Variants in TASP1 observed in about 807,000 individuals in gnomAD.
TASP1 encodes the protein threonine aspartase 1.
A neutral mutation model predicts 56.6 loss-of-function variants in TASP1; 16 were observed. That is an observed-to-expected ratio of 0.28 (90% CI 0.19 to 0.43). The LOEUF is 0.43. Ranked by LOEUF, TASP1 falls within the 20% of genes least tolerant of loss-of-function variation. TASP1 has a pLI of 1.00. For missense variants in TASP1, 393 were observed against 511.6 expected, an observed-to-expected ratio of 0.77 and a Z score of 2.24; for synonymous variants, 179 against 184.2, an observed-to-expected ratio of 0.97 and a Z score of 0.23.
chr20:13,221,423 G>C, the TASP1 span, among the ~76,000 whole-genome samples: 1 of 146,574 alleles, frequency 6.8e-6, no homozygotes, highest in Non-Finnish European at 1.5e-5. Context: ...GGTGGCCTCC[G>C]GCCCGGCCCG....
chr20:13,383,173 A>G, the TASP1 span, among the ~76,000 whole-genome samples: 1 of 152,192 alleles, frequency 6.6e-6, no homozygotes. Context: ...GGTGTACTGG[A>G]AGGTTTTGAG....
the TASP1 span, among the ~76,000 whole-genome samples, chr20:13,344,834 C>T: frequency 2.0e-5 from 3 of 152,188 alleles, no homozygotes; most frequent in Admixed American, 6.5e-5. Context: ...GCACACTCAG[C>T]GGCTGGCATG....
the TASP1 span, among the ~76,000 whole-genome samples, chr20:13,373,795 TG>T: frequency 6.6e-6 from 1 of 152,172 alleles, no homozygotes; most frequent in East Asian, 1.9e-4. Flanking sequence ...CCAGCAAATT[TG>T]GGGAGCTTTC....
At chr20:13,394,187 G>C (rs1277553740) in intron 13 of TASP1, among the ~76,000 whole-genome samples, 1 of 149,294 alleles carries the variant, frequency 6.7e-6, no homozygotes, top group African/African-American at 2.5e-5. Context: ...CGGAGGCTGA[G>C]GCAGGAGAAT....
At chr20:13,408,845 G>A (rs2042008653) in intron 13 of TASP1, among the ~76,000 whole-genome samples, 1 of 151,722 alleles carries the variant, frequency 6.6e-6, no homozygotes, top group Admixed American at 6.6e-5. Flanking sequence ...TCTTGCTATT[G>A]GTAATTTGTG....
At chr20:13,118,311 T>G in the TASP1 span, among the ~76,000 whole-genome samples, 1 of 152,122 alleles carries the variant, frequency 6.6e-6, no homozygotes, top group Non-Finnish European at 1.5e-5. Flanking sequence ...TCCATAATGT[T>G]GCATACACCA....
At chr20:13,296,441 G>A in the TASP1 span, among the ~76,000 whole-genome samples, 1 of 152,308 alleles carries the variant, frequency 6.6e-6, no homozygotes, top group East Asian at 1.9e-4. Context: ...GGGAGGCAAG[G>A]GATGTTATCT....
the TASP1 span, among the ~76,000 whole-genome samples, chr20:13,225,253 T>C: frequency 6.6e-6 from 1 of 152,264 alleles, no homozygotes; most frequent in Non-Finnish European, 1.5e-5. Context: ...TTGCCCAAGG[T>C]TGCACAGCTA....
At chr20:13,263,195 G>A in the TASP1 span, among the ~76,000 whole-genome samples, 1 of 152,170 alleles carries the variant, frequency 6.6e-6, no homozygotes. Flanking sequence ...TGCCTGAAGG[G>A]GAATGATTGC....
chr20:13,253,608 T>A, the TASP1 span, among the ~76,000 whole-genome samples: 1 of 152,142 alleles, frequency 6.6e-6, no homozygotes, highest in Non-Finnish European at 1.5e-5. Flanking sequence ...CTCAAACACC[T>A]GCTGCTGGGC....
the TASP1 span, among the ~76,000 whole-genome samples, chr20:13,366,895 C>T: frequency 1.3e-5 from 2 of 152,248 alleles, no homozygotes; most frequent in African/African-American, 4.8e-5. Flanking sequence ...CTCTCTCTCA[C>T]ACACACACTA....
chr20:13,183,424 A>G, the TASP1 span, among the ~76,000 whole-genome samples: 1 of 152,244 alleles, frequency 6.6e-6, no homozygotes, highest in African/African-American at 2.4e-5. Flanking sequence ...AGGTAGCAAA[A>G]GCTAACTGAT....
At chr20:13,114,191 C>T in the TASP1 span, among the ~76,000 whole-genome samples, 41 of 152,352 alleles carry the variant, frequency 2.7e-4, no homozygotes, top group African/African-American at 9.6e-4. Flanking sequence ...TCAGTTTCTT[C>T]ATCTGTAACA....
At chr20:13,315,973 A>C in the TASP1 span, among the ~76,000 whole-genome samples, 1 of 151,982 alleles carries the variant, frequency 6.6e-6, no homozygotes, top group African/African-American at 2.4e-5. Flanking sequence ...AACTTACCAA[A>C]ATTTGTAGGA....
rs576807374 is a variant in TASP1, at chr20:13,634,686, C to T, written c.-75+4208G>A. ...CAAAGGTTGCAGTGAGTCAAGATTG[C>T]GCCACTGCACCTCAGCCTGGGCAAA... On this transcript the variant is annotated intron_variant, in intron 1 of 13. Coordinates refer to ENST00000337743, the MANE Select transcript of TASP1 (RefSeq NM_017714.3). 7.4e-5 allele frequency among the ~76,000 whole-genome samples: 11 copies of T among 148,482 alleles called. No homozygotes were observed. The East Asian group carries it at 2.2e-3, about 29-fold the overall frequency.
At chr20:13,432,662 C>T (rs1190689329) in intron 12 of TASP1, among the ~76,000 whole-genome samples, 4 of 152,152 alleles carry the variant, frequency 2.6e-5, no homozygotes, top group Non-Finnish European at 5.9e-5. Context: ...CATAAACTGG[C>T]ACTTCACACT....
At chr20:13,364,439 G>A in the TASP1 span, among the ~76,000 whole-genome samples, 1 of 152,146 alleles carries the variant, frequency 6.6e-6, no homozygotes, top group East Asian at 1.9e-4. Context: ...GGTATGGAGA[G>A]TCAGAGATTA....
Position 13,458,131 on chromosome 20 carries a change from T to C in TASP1, c.986-22977A>G, listed in dbSNP as rs1032174681. On this transcript the variant is annotated intron_variant, in intron 11 of 13. Transcript: ENST00000337743. ...ACAGTAGTGGTACACAAAACCTCAATCTAGTGTGTAAACAAAAAGGTCAAC... is the reference window on the plus strand; with the variant it reads ...ACAGTAGTGGTACACAAAACCTCAACCTAGTGTGTAAACAAAAAGGTCAAC... Among the ~76,000 whole-genome samples, 4 of 152,016 alleles carry C rather than the reference T, an allele frequency of 2.6e-5. No homozygotes were observed. In the East Asian group the frequency reaches 7.7e-4, roughly 29 times the overall value.
chr20:13,378,415 T>A, the TASP1 span, among the ~76,000 whole-genome samples: 1 of 152,166 alleles, frequency 6.6e-6, no homozygotes, highest in African/African-American at 2.4e-5. Context: ...GAGTTCTAAT[T>A]TGATTGTACT....
Sources: gnomAD v4.1 joint callset for allele counts (sites outside exome capture counted in the v4.1 genomes callset) on GRCh38, gnomAD v4.1.1 for gene constraint, MANE v1.5 for transcripts, NCBI Gene and HGNC (gene_info 2026-07-23, HGNC 2026-07-21) for gene names.